Variants in FGD4 observed in about 807,000 individuals in gnomAD.
FGD4 encodes FYVE, RhoGEF and PH domain containing 4, also known as FYVE, RhoGEF and PH domain-containing protein 4.
FGD4 carries 42 observed loss-of-function variants against 102.0 expected under a neutral mutation model. That is an observed-to-expected ratio of 0.41 (90% CI 0.32 to 0.53). The LOEUF is 0.53. Among genes scored for constraint, FGD4 ranks in the 20% least tolerant of loss-of-function variants. The probability of loss-of-function intolerance (pLI) is 0.21; values close to 1 mark genes in which losing one functional copy is unlikely to be tolerated. For missense variants in FGD4, 902 were observed against 1,078.2 expected (o/e 0.84, Z 2.29); for synonymous variants, 380 against 375.7 (o/e 1.01, Z -0.13).
At chr12:32,523,185 G>A (rs1463940326) in intron 1 of FGD4, among the ~76,000 whole-genome samples, 1 of 152,188 alleles carries the variant, frequency 6.6e-6, no homozygotes, top group East Asian at 1.9e-4. Flanking sequence ...CTATCATAGA[G>A]TTGACTAAGC....
chr12:32,490,973 C>T (rs959784649), intron 1 of FGD4, among the ~76,000 whole-genome samples: 5 of 152,046 alleles, frequency 3.3e-5, no homozygotes, highest in African/African-American at 9.7e-5. Flanking sequence ...TTTGTATGTG[C>T]GCTAGGCTGT....
chr12:32,495,817 G>A (rs558672590), intron 1 of FGD4, among the ~76,000 whole-genome samples: 3 of 151,670 alleles, frequency 2.0e-5, no homozygotes, highest in South Asian at 2.1e-4. Context: ...ATTTGTGTGC[G>A]TGCATGTGTG....
chr12:32,417,480 C>G (rs991288246), intron 1 of FGD4, among the ~76,000 whole-genome samples: 6 of 151,490 alleles, frequency 4.0e-5, no homozygotes, highest in African/African-American at 1.5e-4. Context: ...TTTTCTGAGA[C>G]AGAGTCTCAC....
At chr12:32,518,082 T>C (rs1940086653) in intron 1 of FGD4, among the ~76,000 whole-genome samples, 1 of 152,352 alleles carries the variant, frequency 6.6e-6, no homozygotes, top group East Asian at 1.9e-4. Flanking sequence ...GTTTTAGGAC[T>C]AACTTCAGGA....
At chr12:32,463,433 G>C (rs960821145) in intron 1 of FGD4, among the ~76,000 whole-genome samples, 2 of 152,244 alleles carry the variant, frequency 1.3e-5, no homozygotes, top group African/African-American at 4.8e-5. Context: ...TTAGGTTACA[G>C]TATAATGCAA....
rs192354834 is a variant in FGD4 at position 32,546,593 on chromosome 12, T to C, written c.167-17544T>C. On this transcript the variant is annotated intron_variant, in intron 1 of 16. Transcript: ENST00000534526. ...CTATGTGACAGTGCCTTGTGAGCAC[T>C]TTTCTGACTTCTCCCTGAGGAGGTT... is the stretch of plus-strand genomic sequence containing the variant. Among the ~76,000 whole-genome samples the C allele has an allele frequency of 6.6e-5, 10 of 152,350 alleles. No homozygotes were observed. In the East Asian group the frequency reaches 1.9e-3, roughly 29 times the overall value.
intron 10 of FGD4, among the ~76,000 whole-genome samples, chr12:32,617,363 A>G (rs1157921442): frequency 6.6e-6 from 1 of 152,240 alleles, no homozygotes; most frequent in African/African-American, 2.4e-5. Flanking sequence ...TGAACACAGA[A>G]CGAGCACTAG....
chr12:32,625,120 TAGA>T (rs1950069879), intron 13 of FGD4, 52 bp downstream of exon 13: 2 of 1,454,288 alleles, frequency 1.4e-6, no homozygotes, highest in Non-Finnish European at 1.9e-6. Context: ...TTTGCAGGTG[TAGA>T]AGATCTGTCT....
chr12:32,564,067 A>G (rs983091646), intron 1 of FGD4, 70 bp from the exon 2 acceptor site: 5 of 1,424,440 alleles, frequency 3.5e-6, no homozygotes, highest in Admixed American at 2.3e-5. Context: ...GAGAGGGGAA[A>G]TTTAACTTAT....
At chr12:32,566,150 T>A (rs562226107) in intron 2 of FGD4, among the ~76,000 whole-genome samples, 2 of 152,308 alleles carry the variant, frequency 1.3e-5, no homozygotes, top group African/African-American at 4.8e-5. Flanking sequence ...CAAGATCAGA[T>A]TCAGAGTGTA....
intron 1 of FGD4, among the ~76,000 whole-genome samples, chr12:32,528,828 G>T (rs1941515959): frequency 6.6e-6 from 1 of 152,040 alleles, no homozygotes; most frequent in African/African-American, 2.4e-5. Context: ...GAATATTTTT[G>T]ATCCACAGTT....
Position 32,561,518 on chromosome 12 carries a change from ATC to A in FGD4, c.167-2615_167-2614del, listed in dbSNP as rs781106133. Reference sequence around the variant, plus strand: ...TTTTCAATAATTAAGGCTTAAAAAAATCTCTGAGTTCTCTTTGAGATATTTGG... The same window carrying A: ...TTTTCAATAATTAAGGCTTAAAAAAATCTGAGTTCTCTTTGAGATATTTGG... On this transcript the variant is annotated intron_variant, in intron 1 of 16. Coordinates refer to ENST00000534526, the MANE Select transcript of FGD4 (RefSeq NM_001370298.3). 5.3e-5 allele frequency among the ~76,000 whole-genome samples: 8 copies of A among 152,324 alleles called. No homozygotes were observed. The East Asian group carries it at 5.8e-4, about 11-fold the overall frequency.
intron 1 of FGD4, among the ~76,000 whole-genome samples, chr12:32,424,659 A>G (rs1941767279): frequency 1.3e-5 from 2 of 152,208 alleles, no homozygotes; most frequent in Non-Finnish European, 2.9e-5. Flanking sequence ...GTCTTCCACA[A>G]TGGTTGAACT....
At chr12:32,453,207 T>TATAATATAG (rs1942841187) in intron 1 of FGD4, among the ~76,000 whole-genome samples, 3 of 44,692 alleles carry the variant, frequency 6.7e-5, no homozygotes, top group South Asian at 2.6e-3. Context: ...ATATTATATA[T>TATAATATAG]ATATATATAT....
chr12:32,549,168 T>C (rs1943459269), intron 1 of FGD4, among the ~76,000 whole-genome samples: 2 of 152,236 alleles, frequency 1.3e-5, no homozygotes, highest in South Asian at 4.1e-4. Context: ...CCCACTAGTA[T>C]TGTAAGTGTA....
In FGD4 at chr12:32,544,364, A is replaced by G. The variant is rs937585210; in HGVS notation, c.167-19773A>G. ...AGAATCACTTGAACCTGGGAGGGAG[A>G]GGTTGCAGTGAGCCGAGATGGTGCC... On this transcript the variant is annotated intron_variant, in intron 1 of 16. Transcript: ENST00000534526. This position sits in a 1 kb window ranked among gnomAD's most constrained non-coding sequence, Gnocchi z 4.1. Among the ~76,000 whole-genome samples the G allele has an allele frequency of 1.3e-5, 2 of 151,876 alleles. No homozygotes were observed. Among genetic ancestry groups the G allele is most frequent in the East Asian group, 3.9e-4 (2 of 5,132 alleles).
At chr12:32,443,675 A>G (rs1942522087) in intron 1 of FGD4, among the ~76,000 whole-genome samples, 1 of 151,340 alleles carries the variant, frequency 6.6e-6, no homozygotes, top group African/African-American at 2.4e-5. Flanking sequence ...ACAGGAATGC[A>G]GCGCCACACC....
rs1377021529 is a variant in FGD4, at chr12:32,629,873, C to G, written c.2173-3676C>G. ...ATAATGTCAGTAGCTGAAGACATTT[C>G]AAAGATTCCAAATCTGTTGTTTCTA... is the stretch of plus-strand genomic sequence containing the variant. On this transcript the variant is annotated intron_variant, in intron 14 of 16. Coordinates refer to ENST00000534526, the MANE Select transcript of FGD4 (RefSeq NM_001370298.3). Among the ~76,000 whole-genome samples, 3 of 152,168 alleles carry G rather than the reference C, an allele frequency of 2.0e-5. No individual in the cohort carries two copies. The East Asian group carries it at 5.8e-4, about 29-fold the overall frequency.
intron 10 of FGD4, among the ~76,000 whole-genome samples, chr12:32,618,693 G>A (rs899898770): frequency 3.9e-5 from 6 of 152,218 alleles, no homozygotes; most frequent in South Asian, 2.1e-4. Context: ...AATTGAGGCC[G>A]GGCATGGTGG....
Sources: gnomAD v4.1 joint callset for allele counts (sites outside exome capture counted in the v4.1 genomes callset) on GRCh38, gnomAD v4.1.1 for gene constraint, Gnocchi (gnomAD v3.1) non-coding constraint, MANE v1.5 for transcripts, NCBI Gene and HGNC (gene_info 2026-07-23, HGNC 2026-07-21) for gene names.